Variants in RIMS2 observed in about 807,000 individuals in gnomAD.
The protein encoded by RIMS2 is regulating synaptic membrane exocytosis 2.
In RIMS2, 59 loss-of-function variants were observed where a neutral mutation model predicts 174.4. The observed-to-expected ratio is 0.34, with a 90% CI of 0.27 to 0.42. The LOEUF (loss-of-function observed/expected upper bound fraction) is 0.42, where lower values mean the gene tolerates loss of function less well. RIMS2 is among the 10% of genes least tolerant of loss of function. The pLI, the probability that RIMS2 is intolerant of heterozygous loss-of-function variation, is 1.00. For synonymous variants in RIMS2, 606 were observed against 572.5 expected (o/e 1.06, Z -0.84); for missense variants, 1,620 against 1,666.3 (o/e 0.97, Z 0.48).
chr8:104,070,463 A>G (rs2097177637), intron 19 of RIMS2, among the ~76,000 whole-genome samples: 2 of 152,220 alleles, frequency 1.3e-5, no homozygotes, highest in Admixed American at 6.5e-5. Flanking sequence ...GTAGCAAATA[A>G]TTCTATAATG....
intron 19 of RIMS2, among the ~76,000 whole-genome samples, chr8:104,064,134 A>T (rs1354346299): frequency 6.6e-6 from 1 of 152,182 alleles, no homozygotes; most frequent in East Asian, 1.9e-4. Flanking sequence ...TTATCAATAT[A>T]ACTTTAACTT....
At chr8:103,553,318 C>T (rs895415056) in intron 1 of RIMS2, among the ~76,000 whole-genome samples, 1 of 152,018 alleles carries the variant, frequency 6.6e-6, no homozygotes, top group Non-Finnish European at 1.5e-5. Flanking sequence ...AAGCTGGAAA[C>T]CATCATTCCG....
rs79511134 is a variant in RIMS2, at chr8:104,104,426, G to A, written c.3334+89811G>A. On this transcript the variant is annotated intron_variant, in intron 19 of 23. Transcript: ENST00000504942. The stretch of plus-strand genomic sequence containing the variant: ...TGAGGAGTGGGAGTTTTGATGGATG[G>A]GGTTGTTGGAAAAATAGCAGTAGAA... 7.5e-3 allele frequency among the ~76,000 whole-genome samples: 1,143 copies of A among 152,190 alleles called. 24 individuals are homozygous for A. Among genetic ancestry groups the A allele is most frequent in the African/African-American group, 0.026 (1,082 of 41,520 alleles).
intron 1 of RIMS2, among the ~76,000 whole-genome samples, chr8:103,518,071 T>A (rs1378458792): frequency 6.6e-6 from 1 of 152,100 alleles, no homozygotes; most frequent in African/African-American, 2.4e-5. Flanking sequence ...CTGCCCAGTT[T>A]GTTTTAAAGT....
intron 20 of RIMS2, among the ~76,000 whole-genome samples, chr8:104,245,990 CTATT>C (rs2099328653): frequency 6.6e-6 from 1 of 152,138 alleles, no homozygotes; most frequent in Non-Finnish European, 1.5e-5. Flanking sequence ...AATAGATTCA[CTATT>C]CATTAAGGAA....
intron 1 of RIMS2, among the ~76,000 whole-genome samples, chr8:103,647,003 GT>G (rs1451771659): frequency 6.6e-6 from 1 of 152,120 alleles, no homozygotes; most frequent in East Asian, 1.9e-4. Flanking sequence ...TTTGAGGTAT[GT>G]TTTTTCCATG....
intron 17 of RIMS2, among the ~76,000 whole-genome samples, chr8:103,996,036 A>T (rs576823217): frequency 6.6e-6 from 1 of 152,104 alleles, no homozygotes; most frequent in African/African-American, 2.4e-5. Flanking sequence ...AGAGATTACA[A>T]AAAAAGGAAT....
intron 19 of RIMS2, among the ~76,000 whole-genome samples, chr8:104,064,769 C>A (rs72683185): frequency 0.13 from 19,597 of 151,824 alleles, 1,728 homozygotes; most frequent in Non-Finnish European, 0.19. Context: ...TATATATTTA[C>A]AAACATGTAA....
chr8:103,578,259 G>T (rs1563854591), intron 1 of RIMS2, among the ~76,000 whole-genome samples: 3 of 152,206 alleles, frequency 2.0e-5, no homozygotes, highest in Admixed American at 6.5e-5. Context: ...GCCAGGCATT[G>T]TGGTTCATGC....
intron 19 of RIMS2, among the ~76,000 whole-genome samples, chr8:104,240,592 A>G (rs1381355840): frequency 6.6e-6 from 1 of 152,216 alleles, no homozygotes; most frequent in Non-Finnish European, 1.5e-5. Context: ...AGTGATTAGC[A>G]TATCTCCTCA....
intron 16 of RIMS2, among the ~76,000 whole-genome samples, chr8:103,985,534 G>A (rs936576314): frequency 3.1e-4 from 33 of 107,132 alleles, no homozygotes; most frequent in Non-Finnish European, 6.0e-4. Context: ...TAACACAAAA[G>A]ATGAATGCTT....
chr8:104,246,551 G>A (rs1313438949), intron 20 of RIMS2, among the ~76,000 whole-genome samples: 2 of 152,048 alleles, frequency 1.3e-5, no homozygotes, highest in South Asian at 2.1e-4. Context: ...GTATATAAAA[G>A]AAAAACTAGT....
At chr8:103,666,310 A>T (rs2096668251) in intron 1 of RIMS2, among the ~76,000 whole-genome samples, 1 of 152,302 alleles carries the variant, frequency 6.6e-6, no homozygotes, top group South Asian at 2.1e-4. Flanking sequence ...ATTACAGTTC[A>T]CTATGTACAG....
At chr8:103,565,211 G>A (rs555337221) in intron 1 of RIMS2, among the ~76,000 whole-genome samples, 17 of 152,286 alleles carry the variant, frequency 1.1e-4, no homozygotes, top group East Asian at 3.9e-4. Context: ...AAAAGCTGCC[G>A]TACAGCAACT....
chr8:103,571,114 T>C (rs2092774254), intron 1 of RIMS2, among the ~76,000 whole-genome samples: 1 of 152,182 alleles, frequency 6.6e-6, no homozygotes, highest in South Asian at 2.1e-4. Context: ...AACACAGACC[T>C]GTTAACTAGA....
intron 16 of RIMS2, among the ~76,000 whole-genome samples, chr8:103,979,785 G>A (rs756717576): frequency 1.2e-4 from 18 of 152,196 alleles, no homozygotes; most frequent in Non-Finnish European, 2.5e-4. Flanking sequence ...GAGAGGAAGA[G>A]CGCAGTGACT....
chr8:103,544,530 A>G (rs1844069698), intron 1 of RIMS2, among the ~76,000 whole-genome samples: 1 of 152,204 alleles, frequency 6.6e-6, no homozygotes, highest in Admixed American at 6.5e-5. Context: ...ATGGCAGGGC[A>G]GGCAACTCTA....
chr8:103,585,442 T>C (rs1461983757), intron 1 of RIMS2, among the ~76,000 whole-genome samples: 1 of 152,164 alleles, frequency 6.6e-6, no homozygotes, highest in Non-Finnish European at 1.5e-5. Flanking sequence ...CATATGTTTA[T>C]TGCGGCACTA....
At chr8:103,525,892 A>G (rs1350356085) in intron 1 of RIMS2, among the ~76,000 whole-genome samples, 1 of 152,206 alleles carries the variant, frequency 6.6e-6, no homozygotes. Context: ...ACAACTAGAA[A>G]AGCTGGATCA....
Sources: gnomAD v4.1 joint callset for allele counts (sites outside exome capture counted in the v4.1 genomes callset) on GRCh38, gnomAD v4.1.1 for gene constraint, MANE v1.5 for transcripts, NCBI Gene and HGNC (gene_info 2026-07-23, HGNC 2026-07-21) for gene names.